Variants in CAPN14 observed in about 807,000 individuals in gnomAD.
CAPN14 encodes calpain 14.
Under a neutral mutation model 101.3 loss-of-function variants are expected in CAPN14, and 94 were observed. That is an observed-to-expected ratio of 0.93 (90% CI 0.79 to 1.10). The LOEUF is 1.10. CAPN14 is among the 50% of genes least tolerant of loss of function. The pLI is 0.00. For missense variants in CAPN14, 837 were observed against 828.4 expected (o/e 1.01, Z -0.13); for synonymous variants, 338 against 317.9 (o/e 1.06, Z -0.67).
At position 31,201,929 on chromosome 2, in the gene CAPN14, G is replaced by A; in HGVS notation, c.484C>T (p.Leu162=). The A allele has an allele frequency of 1.3e-6, 2 of 1,551,736 alleles. No individual in the cohort carries two copies. Among genetic ancestry groups the A allele is most frequent in the Non-Finnish European group, 1.7e-6 (2 of 1,146,994 alleles). Reference sequence around the variant, plus strand: ...TTATAGGTGGAGGAGACAAAGACCAGCTGGCCAGCCTCATTCACAGGCAGA... The same window carrying A: ...TTATAGGTGGAGGAGACAAAGACCAACTGGCCAGCCTCATTCACAGGCAGA... ...DRLPVNEAGQ[L]VFVSSTYKNL... The change falls in exon 5 of 22, where the codon CTG becomes TTG. Residue 162 remains leucine, a synonymous_variant. Transcript: ENST00000403897.
At chr2:31,223,427 C>A (rs558518635) in intron 2 of CAPN14, among the ~76,000 whole-genome samples, 1 of 152,258 alleles carries the variant, frequency 6.6e-6, no homozygotes, top group East Asian at 1.9e-4. Flanking sequence ...CCCATCAGAC[C>A]CCATCTGGAG....
chr2:31,191,363 C>T, intron 12 of CAPN14, 36 bp downstream of exon 12: 3 of 1,541,102 alleles, frequency 1.9e-6, no homozygotes, highest in Non-Finnish European at 2.6e-6. Flanking sequence ...TGATGTCACC[C>T]CAAACTAGGG....
In CAPN14 at chr2:31,223,123, C is replaced by A. The variant is rs114062545; in HGVS notation, c.-53+3405G>T. On this transcript the variant is annotated intron_variant and NMD_transcript_variant, in intron 2 of 21. Transcript: ENST00000398824. Reference sequence around the variant, plus strand: ...AAATAAATGTCTATTGTTTATAAGCCACCCAATCTACAGCATTTTGTCCTA... The same window carrying A: ...AAATAAATGTCTATTGTTTATAAGCAACCCAATCTACAGCATTTTGTCCTA... Among the ~76,000 whole-genome samples, 643 of 152,320 alleles carry A rather than the reference C, an allele frequency of 4.2e-3. 6 individuals carry two copies. Among genetic ancestry groups the A allele is most frequent in the African/African-American group, 0.015 (619 of 41,576 alleles).
intron 1 of CAPN14, among the ~76,000 whole-genome samples, chr2:31,210,865 A>G (rs973052107): frequency 6.6e-6 from 1 of 152,206 alleles, no homozygotes; most frequent in Non-Finnish European, 1.5e-5. Flanking sequence ...AGCATGCCAA[A>G]TCATAGGTCA....
chr2:31,196,725 T>A lies in CAPN14; in HGVS notation c.875+524A>T, dbSNP rs116416233. 2.4e-3 allele frequency among the ~76,000 whole-genome samples: 359 copies of A among 152,272 alleles called. 1 individual carries two copies. The highest frequency in any genetic ancestry group is 6.6e-3 in the African/African-American group (275 of 41,562). ...GGGCTGCCATTAGGCAGAAACAACCTAAATGTAGGCACCTAATCAGAATGC... is the reference window on the plus strand; with the variant it reads ...GGGCTGCCATTAGGCAGAAACAACCAAAATGTAGGCACCTAATCAGAATGC... On this transcript the variant is annotated intron_variant, in intron 8 of 21. Coordinates refer to ENST00000403897, the MANE Select transcript of CAPN14 (RefSeq NM_001145122.2).
chr2:31,197,208 C>T (rs1262940520), intron 8 of CAPN14, 41 bp downstream of exon 8: 1 of 1,399,694 alleles, frequency 7.1e-7, no homozygotes, highest in Non-Finnish European at 9.9e-7. Flanking sequence ...CTTTGCCTAA[C>T]CTACCTGTTC....
At chr2:31,177,256 T>C (rs968631448) in intron 19 of CAPN14, 114 bp from the exon 20 acceptor site, 10 of 643,284 alleles carry the variant, frequency 1.6e-5, no homozygotes, top group Non-Finnish European at 2.4e-5. Flanking sequence ...CCTGATAGCA[T>C]GGAAATCTTC....
At chr2:31,189,240 C>A (rs540097272) in intron 13 of CAPN14, 33 bp downstream of exon 13, 1 of 1,542,328 alleles carries the variant, frequency 6.5e-7, no homozygotes, top group Admixed American at 2.0e-5. Flanking sequence ...TCCAAGTGGT[C>A]CCCACCCTCT....
At chr2:31,226,484 T>C (rs1046775326) in intron 2 of CAPN14, 1 of 152,212 alleles carries the variant, frequency 6.6e-6, no homozygotes, top group Non-Finnish European at 1.5e-5. Flanking sequence ...AGGTGCTTCC[T>C]CTATCTCCCC....
In CAPN14 at chr2:31,197,270, C is replaced by A. The variant is rs1290542410; in HGVS notation, c.854G>T (p.Trp285Leu). ...KLRNPWGKVE[W>L]KGDWSDSSSK... is the part of the protein sequence containing the mutation. ...TCACCTGTCACTCCAGTCTCCTTTC[C>A]ATTCCACCTTTCCCCAGGGGTTCCG... Residue 285 changes from tryptophan (W) to leucine (L), a missense_variant, in exon 8 of 22, where the codon TGG (tryptophan) becomes TTG (leucine). By Grantham distance (61) the Trp-to-Leu change is moderately conservative. Transcript: ENST00000403897. The A allele has an allele frequency of 6.4e-7, 1 of 1,551,248 alleles. No individual in the cohort carries two copies. The highest frequency in any genetic ancestry group is 8.7e-7 in the Non-Finnish European group (1 of 1,146,180).
At chr2:31,183,791 C>CT (rs1210229753) in intron 16 of CAPN14, among the ~76,000 whole-genome samples, 1 of 131,090 alleles carries the variant, frequency 7.6e-6, no homozygotes, top group Non-Finnish European at 1.5e-5. Flanking sequence ...TTCTTCCCTC[C>CT]TTTCCTTCCT....
At chr2:31,223,364 A>G (rs975703684) in intron 2 of CAPN14, among the ~76,000 whole-genome samples, 4 of 152,152 alleles carry the variant, frequency 2.6e-5, no homozygotes, top group Admixed American at 2.0e-4. Context: ...AGCTCCTTAA[A>G]TTATTCACAC....
chr2:31,228,127 A>G (rs1683081456), intron 1 of CAPN14, among the ~76,000 whole-genome samples: 1 of 152,226 alleles, frequency 6.6e-6, no homozygotes, highest in South Asian at 2.1e-4. Context: ...CCAGGATGCA[A>G]TGGTAGTTGG....
chr2:31,207,008 T>A (rs756771557), intron 1 of CAPN14, among the ~76,000 whole-genome samples: 5 of 152,062 alleles, frequency 3.3e-5, no homozygotes, highest in Non-Finnish European at 5.9e-5. Flanking sequence ...ACAGGGAGAT[T>A]TTATAAGGGC....
At chr2:31,177,673 T>A in intron 19 of CAPN14, 73 bp downstream of exon 19, 4 of 1,085,218 alleles carry the variant, frequency 3.7e-6, no homozygotes, top group African/African-American at 1.6e-5. Flanking sequence ...ATGCCACACA[T>A]CCCCTCTCCT....
In CAPN14 at chr2:31,230,710, C is replaced by T. The variant is rs116969511; in HGVS notation, c.-177+3081G>A. 2.1e-3 allele frequency among the ~76,000 whole-genome samples: 316 copies of T among 152,236 alleles called. 10 individuals carry two copies. The East Asian group carries it at 0.05, about 24-fold the overall frequency. On this transcript the variant is annotated intron_variant and NMD_transcript_variant, in intron 1 of 21. Transcript: ENST00000398824. The surrounding 1 kb of genome is among the most constrained non-coding windows in gnomAD (Gnocchi z 4.3). ...CTATTGGAATGTTTGTCTTTGTTAT[C>T]GATGCACAGCCATTAGTTCTATATT...
intron 17 of CAPN14, among the ~76,000 whole-genome samples, chr2:31,179,850 C>T (rs1333676399): frequency 6.6e-6 from 1 of 152,178 alleles, no homozygotes; most frequent in Non-Finnish European, 1.5e-5. Flanking sequence ...CTGTTGGCTG[C>T]ATAAATGTCT....
At chr2:31,192,355 C>G (rs1263158733) in intron 10 of CAPN14, among the ~76,000 whole-genome samples, 1 of 152,168 alleles carries the variant, frequency 6.6e-6, no homozygotes, top group Non-Finnish European at 1.5e-5. Context: ...GTGCCTGGCC[C>G]AGGTGTTATA....
intron 1 of CAPN14, among the ~76,000 whole-genome samples, chr2:31,213,100 G>A (rs1015010184): frequency 2.0e-5 from 3 of 152,228 alleles, no homozygotes; most frequent in Non-Finnish European, 4.4e-5. Context: ...TACTTCTTTT[G>A]TGTAATAGGT....
Sources: allele counts gnomAD v4.1 joint callset (sites outside exome capture counted in the v4.1 genomes callset), GRCh38; gene constraint gnomAD v4.1.1; non-coding constraint Gnocchi (gnomAD v3.1); transcripts MANE v1.5; gene names NCBI Gene and HGNC (gene_info 2026-07-23, HGNC 2026-07-21).